Variants in RIMS2 observed in about 807,000 individuals in gnomAD.
The protein encoded by RIMS2 is regulating synaptic membrane exocytosis 2, also known as regulating synaptic membrane exocytosis protein 2.
A neutral mutation model predicts 174.4 loss-of-function variants in RIMS2; 59 were observed. The ratio of observed to expected loss-of-function variants is 0.34; its 90% CI spans 0.27 to 0.42. The LOEUF is 0.42. RIMS2 is among the 10% of genes least tolerant of loss of function. The probability of loss-of-function intolerance (pLI) is 1.00; values close to 1 mark genes in which losing one functional copy is unlikely to be tolerated. For missense variants in RIMS2, 1,620 were observed against 1,666.3 expected (o/e 0.97, Z 0.48); for synonymous variants, 606 against 572.5 (o/e 1.06, Z -0.84).
chr8:103,854,548 T>G (rs905772875), intron 3 of RIMS2, among the ~76,000 whole-genome samples: 3 of 151,804 alleles, frequency 2.0e-5, no homozygotes, highest in Non-Finnish European at 4.4e-5. Flanking sequence ...GCCTAGTTTG[T>G]TGAGGGTTTT....
downstream of RIMS2, chr8:104,252,653 A>G (rs1199416640): frequency 1.3e-5 from 2 of 152,188 alleles, no homozygotes; most frequent in African/African-American, 2.4e-5. Flanking sequence ...AAGATACACC[A>G]TGTTTATTCT....
intron 19 of RIMS2, among the ~76,000 whole-genome samples, chr8:104,021,327 A>G (rs970143159): frequency 6.6e-6 from 1 of 152,202 alleles, no homozygotes; most frequent in African/African-American, 2.4e-5. Context: ...TATGAATAGT[A>G]TTCATAAGAC....
chr8:103,846,254 A>G (rs1273461720), intron 3 of RIMS2, among the ~76,000 whole-genome samples: 1 of 152,168 alleles, frequency 6.6e-6, no homozygotes, highest in Non-Finnish European at 1.5e-5. Context: ...AGAAAAAGAA[A>G]GAAAAAGAGG....
At chr8:104,021,949 A>G (rs937578902) in intron 19 of RIMS2, among the ~76,000 whole-genome samples, 1 of 152,146 alleles carries the variant, frequency 6.6e-6, no homozygotes, top group African/African-American at 2.4e-5. Context: ...GCTGTGGAAA[A>G]TGGTTCTTAT....
At chr8:104,153,464 T>G (rs2098702645) in intron 19 of RIMS2, among the ~76,000 whole-genome samples, 1 of 152,194 alleles carries the variant, frequency 6.6e-6, no homozygotes, top group African/African-American at 2.4e-5. Context: ...ATGGTAGATA[T>G]AAGACATCAG....
intron 1 of RIMS2, among the ~76,000 whole-genome samples, 170 bp downstream of exon 2, chr8:103,652,407 A>G (rs2096467306): frequency 1.3e-5 from 2 of 152,182 alleles, no homozygotes; most frequent in African/African-American, 4.8e-5. Context: ...CATCACCCAC[A>G]TAGTGACTGG....
chr8:104,247,568 C>T (rs1250980602), intron 20 of RIMS2, among the ~76,000 whole-genome samples: 2 of 152,086 alleles, frequency 1.3e-5, no homozygotes, highest in Non-Finnish European at 2.9e-5. Context: ...CGATTCAGTC[C>T]ATAACAGAGA....
chr8:103,995,893 AG>A (rs1186186987), intron 17 of RIMS2, among the ~76,000 whole-genome samples: 1 of 151,956 alleles, frequency 6.6e-6, no homozygotes, highest in Non-Finnish European at 1.5e-5. Flanking sequence ...TGAGTTATTT[AG>A]GCATCAGAAT....
At chr8:104,050,007 T>C (rs772243451) in intron 19 of RIMS2, among the ~76,000 whole-genome samples, 8 of 152,160 alleles carry the variant, frequency 5.3e-5, no homozygotes, top group Non-Finnish European at 7.4e-5. Flanking sequence ...TGAGTCTTTA[T>C]TAAGATAGGA....
chr8:103,527,433 C>T (rs1834603898), intron 1 of RIMS2, among the ~76,000 whole-genome samples: 1 of 152,070 alleles, frequency 6.6e-6, no homozygotes, highest in African/African-American at 2.4e-5. Context: ...GGTACATGTG[C>T]ATAACTTGCA....
At chr8:103,562,542 G>T (rs1182437876) in intron 1 of RIMS2, among the ~76,000 whole-genome samples, 1 of 152,196 alleles carries the variant, frequency 6.6e-6, no homozygotes, top group African/African-American at 2.4e-5. Flanking sequence ...CTGTGGCTTT[G>T]AAGGATACAG....
intron 1 of RIMS2, among the ~76,000 whole-genome samples, chr8:103,666,738 C>T (rs1470032610): frequency 1.3e-5 from 2 of 152,092 alleles, no homozygotes; most frequent in Non-Finnish European, 2.9e-5. Flanking sequence ...TGAGCTCAGT[C>T]CAAAACAATG....
intron 1 of RIMS2, among the ~76,000 whole-genome samples, chr8:103,619,302 A>G (rs1327463759): frequency 6.6e-6 from 1 of 152,036 alleles, no homozygotes; most frequent in African/African-American, 2.4e-5. Flanking sequence ...TTTAAAAACT[A>G]AGCTAAAATT....
chr8:103,641,454 A>G (rs1469794263), intron 1 of RIMS2, among the ~76,000 whole-genome samples: 1 of 152,150 alleles, frequency 6.6e-6, no homozygotes, highest in Non-Finnish European at 1.5e-5. Context: ...CTGATCTATC[A>G]AACACTAGGT....
chr8:103,748,493 A>G (rs1299779336), intron 2 of RIMS2, among the ~76,000 whole-genome samples: 6 of 152,098 alleles, frequency 3.9e-5, no homozygotes, highest in African/African-American at 1.5e-4. Flanking sequence ...TGGGAATCTG[A>G]AAAACAGGTG....
chr8:103,609,006 T>G (rs1261068460), intron 1 of RIMS2, among the ~76,000 whole-genome samples: 1 of 152,228 alleles, frequency 6.6e-6, no homozygotes, highest in African/African-American at 2.4e-5. Flanking sequence ...TCGGCCATCT[T>G]GGCTCCTCCC....
At chr8:103,732,326 G>A (rs2097610704) in intron 2 of RIMS2, among the ~76,000 whole-genome samples, 1 of 152,152 alleles carries the variant, frequency 6.6e-6, no homozygotes, top group Non-Finnish European at 1.5e-5. Context: ...GAGCTGCCTG[G>A]GGTTGTGGGA....
At chr8:103,749,185 T>C (rs1393096260) in intron 2 of RIMS2, among the ~76,000 whole-genome samples, 1 of 146,722 alleles carries the variant, frequency 6.8e-6, no homozygotes, top group Non-Finnish European at 1.5e-5. Flanking sequence ...GATCTCGGCT[T>C]ACTGCAAGCT....
At position 104,243,432 on chromosome 8, in the gene RIMS2, A is replaced by G. The variant is rs372184113; in HGVS notation, c.3335-1484A>G. 3.3e-4 allele frequency among the ~76,000 whole-genome samples: 51 copies of G among 152,324 alleles called. 1 individual carries two copies. In the South Asian group the frequency reaches 0.01, roughly 31 times the overall value. On this transcript the variant is annotated intron_variant, in intron 19 of 23. Transcript: ENST00000504942. ...CTGGGCACGATGGCTCACACCTGTA[A>G]TCCCAGCACTTTGGGAGGCCAAGGC...
Sources: gnomAD v4.1 joint callset for allele counts (sites outside exome capture counted in the v4.1 genomes callset) on GRCh38, gnomAD v4.1.1 for gene constraint, MANE v1.5 for transcripts, NCBI Gene and HGNC (gene_info 2026-07-23, HGNC 2026-07-21) for gene names.